The following NTM variants were observed in gnomAD, a reference collection of about 807,000 sequenced individuals.
The protein encoded by NTM is IgLON family member 2.
NTM carries 13 observed loss-of-function variants against 42.1 expected under a neutral mutation model. That is an observed-to-expected ratio of 0.31 (90% confidence interval 0.20 to 0.49). The LOEUF (loss-of-function observed/expected upper bound fraction) is 0.49, where lower values mean the gene tolerates loss of function less well. NTM is among the 20% of genes least tolerant of loss of function. NTM has a pLI of 0.99. For missense variants in NTM, 373 were observed against 452.8 expected (o/e 0.82, Z 1.60); for synonymous variants, 187 against 179.2 (o/e 1.04, Z -0.35).
intron 2 of NTM, among the ~76,000 whole-genome samples, chr11:132,061,951 A>C (rs1160046427): frequency 6.6e-6 from 1 of 152,000 alleles, no homozygotes; most frequent in Non-Finnish European, 1.5e-5. Flanking sequence ...TGTGTGGATC[A>C]GATAGGGGGT....
chr11:131,447,476 C>T (rs2136018164), intron 1 of NTM, among the ~76,000 whole-genome samples: 1 of 152,318 alleles, frequency 6.6e-6, no homozygotes, highest in African/African-American at 2.4e-5. Flanking sequence ...CAGGCTGGGG[C>T]TGCAGAATCA....
At chr11:131,566,910 C>T (rs2056949598) in intron 1 of NTM, among the ~76,000 whole-genome samples, 2 of 152,052 alleles carry the variant, frequency 1.3e-5, no homozygotes, top group Non-Finnish European at 2.9e-5. Flanking sequence ...AAGTCCTGCC[C>T]GGTACTACCT....
intron 1 of NTM, among the ~76,000 whole-genome samples, chr11:131,650,906 T>G (rs1280497828): frequency 6.6e-6 from 1 of 152,210 alleles, no homozygotes; most frequent in Non-Finnish European, 1.5e-5. Context: ...CTCCACATGT[T>G]TTCTAGGCAT....
chr11:131,401,778 T>C (rs2135682553), intron 1 of NTM, among the ~76,000 whole-genome samples: 1 of 114,596 alleles, frequency 8.7e-6, no homozygotes, highest in Middle Eastern at 5.2e-3. Flanking sequence ...TCCTCATCAT[T>C]ATGTGAGTCA....
chr11:131,645,059 C>T (rs1459173587), intron 1 of NTM, among the ~76,000 whole-genome samples: 2 of 152,112 alleles, frequency 1.3e-5, no homozygotes, highest in African/African-American at 4.8e-5. Context: ...AAATGTACCA[C>T]AGATTGAGCC....
At chr11:132,257,143 C>T (rs763373430) in intron 4 of NTM, among the ~76,000 whole-genome samples, 12 of 152,180 alleles carry the variant, frequency 7.9e-5, no homozygotes, top group Non-Finnish European at 1.6e-4. Flanking sequence ...TTGCATGAAG[C>T]ACGCTTACAA....
intron 1 of NTM, among the ~76,000 whole-genome samples, chr11:131,824,785 G>C (rs543041133): frequency 6.6e-6 from 1 of 152,152 alleles, no homozygotes; most frequent in Non-Finnish European, 1.5e-5. Flanking sequence ...ACTGGGGAAA[G>C]AGTAGGAGTT....
In NTM at chr11:131,810,849, C is replaced by T. The variant is rs114139479; in HGVS notation, c.83-100715C>T. ...CTGGAATTTTCTTGGATTTCCCTGC[C>T]GAAAAATAAAGCATGGGCATCATCT... On this transcript the variant is annotated intron_variant, in intron 1 of 8. Coordinates refer to ENST00000683400, the MANE Select transcript of NTM (RefSeq NM_001352005.2). Among the ~76,000 whole-genome samples, 563 of 152,068 alleles carry T rather than the reference C, an allele frequency of 3.7e-3. 5 individuals are homozygous for T. Among genetic ancestry groups the T allele is most frequent in the African/African-American group, 0.012 (486 of 41,474 alleles).
intron 2 of NTM, among the ~76,000 whole-genome samples, chr11:132,026,119 T>C (rs1203734472): frequency 3.3e-5 from 5 of 152,244 alleles, no homozygotes; most frequent in African/African-American, 1.2e-4. Flanking sequence ...ACTGTACAAA[T>C]GCTAATCATT....
intron 4 of NTM, among the ~76,000 whole-genome samples, chr11:132,276,741 C>G (rs1270116219): frequency 6.6e-6 from 1 of 151,830 alleles, no homozygotes; most frequent in Non-Finnish European, 1.5e-5. Flanking sequence ...CTGTGTGACC[C>G]TTCTTGGGAG....
intron 1 of NTM, chr11:131,878,181 A>C (rs886234010): frequency 6.6e-6 from 1 of 152,156 alleles, no homozygotes; most frequent in Non-Finnish European, 1.5e-5. Context: ...GGAGGGAAGA[A>C]ACCGAAGTGG....
chr11:131,427,137 T>C (rs1235884386), intron 1 of NTM, among the ~76,000 whole-genome samples: 1 of 151,956 alleles, frequency 6.6e-6, no homozygotes, highest in African/African-American at 2.4e-5. Flanking sequence ...TCGCTGTGGC[T>C]GTCCAGTCCA....
chr11:131,538,202 C>T (rs2052582218), intron 1 of NTM: 1 of 152,134 alleles, frequency 6.6e-6, no homozygotes, highest in Admixed American at 6.5e-5. Context: ...TCCCCTGTTC[C>T]CCTGCAATTC....
At chr11:132,321,293 C>A (rs7950938) in intron 7 of NTM, among the ~76,000 whole-genome samples, 4,618 of 152,082 alleles carry the variant, frequency 0.03, 259 homozygotes, top group African/African-American at 0.11. Context: ...AATTTAGAAG[C>A]ATGTATAACT....
intron 1 of NTM, among the ~76,000 whole-genome samples, chr11:131,507,430 A>G (rs941400129): frequency 6.6e-6 from 1 of 151,734 alleles, no homozygotes; most frequent in Non-Finnish European, 1.5e-5. Flanking sequence ...CTGTTTTGGT[A>G]CCAGTACCAT....
intron 4 of NTM, among the ~76,000 whole-genome samples, chr11:132,263,643 T>A (rs535974877): frequency 6.6e-6 from 1 of 152,278 alleles, no homozygotes; most frequent in South Asian, 2.1e-4. Context: ...TTTCCCTTTC[T>A]CACATGTTAT....
chr11:131,561,655 C>T (rs2056241924), intron 1 of NTM, among the ~76,000 whole-genome samples: 1 of 152,148 alleles, frequency 6.6e-6, no homozygotes. Flanking sequence ...GGGGGACAGG[C>T]AGGAGGTGGA....
At chr11:131,772,138 A>G (rs1055729178) in intron 1 of NTM, among the ~76,000 whole-genome samples, 77 of 152,306 alleles carry the variant, frequency 5.1e-4, no homozygotes, top group African/African-American at 1.8e-3. Context: ...GAGTAGACAC[A>G]GTCTCTGCCC....
At position 132,094,501 on chromosome 11, in the gene NTM, T is replaced by C. The variant is rs142945170; in HGVS notation, c.168-51781T>C. Among the ~76,000 whole-genome samples the C allele has an allele frequency of 2.5e-3, 383 of 152,214 alleles. 3 individuals carry two copies. Among genetic ancestry groups the C allele is most frequent in the African/African-American group, 8.5e-3 (354 of 41,530 alleles). ...TTTTCCCTGCCAGACTCTCAACCCT[T>C]AAAGATTTTAGTCCTTCTCTTTAGG... On this transcript the variant is annotated intron_variant, in intron 2 of 8. Coordinates refer to ENST00000683400, the MANE Select transcript of NTM (RefSeq NM_001352005.2).
Sources: gnomAD v4.1 joint callset for allele counts (sites outside exome capture counted in the v4.1 genomes callset) on GRCh38, gnomAD v4.1.1 for gene constraint, MANE v1.5 for transcripts, NCBI Gene and HGNC (gene_info 2026-07-23, HGNC 2026-07-21) for gene names.